ZFP62: variants seen among roughly 807,000 people sequenced by gnomAD.
ZFP62 encodes ZFP62 zinc finger protein, also known as zinc finger protein 62 homolog.
In ZFP62, 44 loss-of-function variants were observed where a neutral mutation model predicts 56.4. The observed-to-expected ratio is 0.78, with a 90% confidence interval of 0.61 to 1.00. ZFP62 has a LOEUF of 1.00. ZFP62 is among the 50% of genes least tolerant of loss of function. The pLI, the probability that ZFP62 is intolerant of heterozygous loss-of-function variation, is 0.00. For missense variants in ZFP62, 1,030 were observed against 1,085.7 expected, an observed-to-expected ratio of 0.95 and a Z score of 0.72; for synonymous variants, 421 against 388.9, an observed-to-expected ratio of 1.08 and a Z score of -0.97.
Position 180,850,821 on chromosome 5 carries a change from C to T in ZFP62, c.674G>A (p.Cys225Tyr). Residue 225 changes from cysteine to tyrosine, a missense_variant, in exon 2 of 2, where the codon TGT becomes TAT. Cys to Tyr is a radical substitution (Grantham distance 194). Transcript: ENST00000502412. ...GGATTTTCCACATTCATCACATTTA[C>T]AGTTCTTCTCCCCAGAATGGGTGCT... is the stretch of plus-strand genomic sequence containing the variant. ...HKSTHSGEKN[C>Y]KCDECGKSFN... 6.4e-7 allele frequency: 1 copy of T among 1,568,486 alleles called. No homozygotes were observed. The highest frequency in any genetic ancestry group is 1.2e-5 in the South Asian group (1 of 85,780).
intron 1 of ZFP62, 61 bp downstream of exon 1, chr5:180,861,158 G>A (rs1756059139): frequency 5.0e-6 from 2 of 398,622 alleles, no homozygotes; most frequent in Non-Finnish European, 8.9e-6. Flanking sequence ...CGGCCAAAAA[G>A]GGGAGGGCGT....
At chr5:180,828,336 G>C in the ZFP62 span, among the ~76,000 whole-genome samples, 1 of 152,134 alleles carries the variant, frequency 6.6e-6, no homozygotes, top group Non-Finnish European at 1.5e-5. Context: ...AGGTGACTCA[G>C]ATCACTCAGG....
chr5:180,850,372 T>C lies in ZFP62; in HGVS notation c.1123A>G (p.Arg375Gly). 1 of 1,566,570 alleles carries C rather than the reference T, an allele frequency of 6.4e-7. No individual in the cohort carries two copies. Among genetic ancestry groups the C allele is most frequent in the Non-Finnish European group, 8.7e-7 (1 of 1,155,640 alleles). Reference protein sequence around the residue: ...YECDECGKAFRNSSGLIVHKR... With the variant: ...YECDECGKAFGNSSGLIVHKR... ...TGCACTATGAGGCCTGAGCTGTTCC[T>C]GAAAGCCTTCCCACATTCATCACAT... Residue 375 changes from arginine to glycine, a missense_variant, in exon 2 of 2, where the codon AGG becomes GGG. Coordinates refer to ENST00000502412, the MANE Select transcript of ZFP62 (RefSeq NM_001172638.2).
Position 180,851,420 on chromosome 5 carries a change from A to C in ZFP62, c.75T>G (p.Ser25=). ...EEYENVGNAA[S]KWPKVEDPMP... Reference sequence around the variant, plus strand: ...TAGGATCCTCCACTTTTGGCCACTTAGATGCTGCATTTCCAACATTTTCAT... The same window carrying C: ...TAGGATCCTCCACTTTTGGCCACTTCGATGCTGCATTTCCAACATTTTCAT... The change falls in exon 2 of 2, where the codon TCT becomes TCG. Residue 25 remains serine, a synonymous_variant. Coordinates refer to ENST00000502412, the MANE Select transcript of ZFP62 (RefSeq NM_001172638.2). 1 of 1,551,608 alleles carries C rather than the reference A, an allele frequency of 6.4e-7. No individual in the cohort carries two copies. Among genetic ancestry groups the C allele is most frequent in the Admixed American group, 2.0e-5 (1 of 50,976 alleles).
At chr5:180,843,068 T>TA (rs1338248557), downstream of ZFP62, among the ~76,000 whole-genome samples, 8 of 148,038 alleles carry the variant, frequency 5.4e-5, no homozygotes, top group East Asian at 5.9e-4. Flanking sequence ...TAAATAAATT[T>TA]AAAAAAAAAG....
chr5:180,850,693 G>A lies in ZFP62; in HGVS notation c.802C>T (p.Leu268Phe), dbSNP rs1377834038. The A allele has an allele frequency of 2.5e-6, 4 of 1,600,798 alleles. No homozygotes were observed. Among genetic ancestry groups the A allele is most frequent in the Admixed American group, 1.7e-5 (1 of 57,454 alleles). The change falls in exon 2 of 2, where the codon CTC becomes TTC. Residue 268 changes from leucine (L) to phenylalanine (F), a missense_variant. Physicochemically the swap from Leu to Phe is conservative, Grantham distance 22. Coordinates refer to ENST00000502412, the MANE Select transcript of ZFP62 (RefSeq NM_001172638.2). ...CGKAFRNSSGLRVHKRIHTGE... is the reference protein window; with the variant it reads ...CGKAFRNSSGFRVHKRIHTGE... ...GTGTGGATCCTTTTGTGGACTCTGA[G>A]CCCAGAGCTGTTCCTGAAGGCCTTC...
At chr5:180,832,094 C>CA in the ZFP62 span, among the ~76,000 whole-genome samples, 9 of 125,816 alleles carry the variant, frequency 7.2e-5, no homozygotes, top group Non-Finnish European at 1.4e-4. Context: ...CATCTCAAAA[C>CA]AAAAAACAAA....
At chr5:180,841,286 T>C in the ZFP62 span, among the ~76,000 whole-genome samples, 2 of 141,152 alleles carry the variant, frequency 1.4e-5, no homozygotes, top group African/African-American at 5.3e-5. Context: ...TATACATACA[T>C]ATATATACAT....
chr5:180,832,118 G>T, the ZFP62 span, among the ~76,000 whole-genome samples: 2 of 152,080 alleles, frequency 1.3e-5, no homozygotes, highest in Non-Finnish European at 2.9e-5. Flanking sequence ...CACAACTCTT[G>T]CTGGCTCCTT....
chr5:180,849,861 T>A lies in ZFP62; in HGVS notation c.1634A>T (p.Asn545Ile). ...CDECGKAFRN[N>I]SGLKVHKRIH... ...TCGTTTATGTACTTTAAGGCCAGAATTATTTCTGAAAGCTTTACCACACTC... is the reference window on the plus strand; with the variant it reads ...TCGTTTATGTACTTTAAGGCCAGAAATATTTCTGAAAGCTTTACCACACTC... The change falls in exon 2 of 2, where the codon AAT becomes ATT. Residue 545 changes from asparagine to isoleucine, a missense_variant. Coordinates refer to ENST00000502412, the MANE Select transcript of ZFP62 (RefSeq NM_001172638.2). The A allele has an allele frequency of 6.4e-7, 1 of 1,551,712 alleles. No homozygotes were observed. Among genetic ancestry groups the A allele is most frequent in the South Asian group, 1.2e-5 (1 of 84,054 alleles).
the ZFP62 span, among the ~76,000 whole-genome samples, chr5:180,840,941 A>G: frequency 1.3e-5 from 2 of 152,000 alleles, no homozygotes; most frequent in African/African-American, 4.8e-5. Context: ...TAGAGGAAAA[A>G]AGCGTCCAGA....
chr5:180,838,702 T>C, the ZFP62 span, among the ~76,000 whole-genome samples: 1 of 152,222 alleles, frequency 6.6e-6, no homozygotes, highest in Non-Finnish European at 1.5e-5. Flanking sequence ...GTTTAGATTG[T>C]TTCAAAATAA....
the ZFP62 span, among the ~76,000 whole-genome samples, chr5:180,829,111 C>T: frequency 6.6e-6 from 1 of 152,220 alleles, no homozygotes; most frequent in Non-Finnish European, 1.5e-5. Context: ...ACTACGTGCA[C>T]CACTGAACAT....
chr5:180,839,739 C>T, the ZFP62 span, among the ~76,000 whole-genome samples: 8 of 152,184 alleles, frequency 5.3e-5, no homozygotes, highest in Non-Finnish European at 1.2e-4. Flanking sequence ...AACAAACCTG[C>T]ACATGTACTC....
chr5:180,848,817 C>T lies in ZFP62; in HGVS notation c.2678G>A (p.Gly893Glu). 6.5e-7 allele frequency: 1 copy of T among 1,538,680 alleles called. No individual in the cohort carries two copies. Among genetic ancestry groups the T allele is most frequent in the Non-Finnish European group, 8.8e-7 (1 of 1,137,566 alleles). ...CTACAGAGGCATCCTCATCCTGCCC[C>T]CATCCAGGGCATTCCCTCCCTCATA... is the stretch of plus-strand genomic sequence containing the variant. Reference protein sequence around the residue: ...RTYEGGNALDGGRMRMPL With the variant: ...RTYEGGNALDEGRMRMPL The change falls in exon 2 of 2, where the codon GGG becomes GAG. Residue 893 changes from glycine (G) to glutamate (E), a missense_variant. Coordinates refer to ENST00000502412, the MANE Select transcript of ZFP62 (RefSeq NM_001172638.2).
At chr5:180,847,464 C>G (rs1773444243), downstream of ZFP62, 1 of 448,510 alleles carries the variant, frequency 2.2e-6, no homozygotes, top group Non-Finnish European at 2.9e-6. Flanking sequence ...AGGGAGGCAC[C>G]TTCTAACTTC....
At chr5:180,833,915 C>T in the ZFP62 span, among the ~76,000 whole-genome samples, 12 of 152,108 alleles carry the variant, frequency 7.9e-5, no homozygotes, top group East Asian at 1.9e-4. Flanking sequence ...ATGATCCGCC[C>T]GCCTCGGCCT....
Position 180,847,623 on chromosome 5 carries a change from G to C in ZFP62, c.*1169C>G. Reference sequence around the variant, plus strand: ...AACTCACAGCCCGTTTTGATTTAAGGAATTTCTTTATTGGAATTCCACTTT... The same window carrying C: ...AACTCACAGCCCGTTTTGATTTAAGCAATTTCTTTATTGGAATTCCACTTT... On this transcript the variant is annotated 3_prime_UTR_variant, in exon 2 of 2. Coordinates refer to ENST00000502412, the MANE Select transcript of ZFP62 (RefSeq NM_001172638.2). The C allele has an allele frequency of 1.0e-6, 1 of 985,382 alleles. No homozygotes were observed. The highest frequency in any genetic ancestry group is 1.2e-6 in the Non-Finnish European group (1 of 829,934). The allele number at this position is 985,382 out of a possible 1,614,324, so 61.0% of individuals were successfully genotyped here.
At chr5:180,857,154 T>C (rs929134466) in intron 1 of ZFP62, among the ~76,000 whole-genome samples, 4 of 151,918 alleles carry the variant, frequency 2.6e-5, no homozygotes, top group Non-Finnish European at 5.9e-5. Context: ...GCTGCAACCA[T>C]AAGGAGTCCA....
Sources: gnomAD v4.1 joint callset for allele counts (sites outside exome capture counted in the v4.1 genomes callset) on GRCh38, gnomAD v4.1.1 for gene constraint, MANE v1.5 for transcripts, NCBI Gene and HGNC (gene_info 2026-07-23, HGNC 2026-07-21) for gene names.